Variants in LNX1 observed in about 807,000 individuals in gnomAD.
LNX1 encodes the protein E3 ubiquitin-protein ligase LNX.
In LNX1, 54 loss-of-function variants were observed where a neutral mutation model predicts 68.4. The ratio of observed to expected loss-of-function variants is 0.79; its 90% CI spans 0.63 to 0.99. The LOEUF is 0.99. LNX1 is among the 50% of genes least tolerant of loss of function. The pLI, the probability that LNX1 is intolerant of heterozygous loss-of-function variation, is 0.00. For synonymous variants in LNX1, 336 were observed against 350.0 expected (o/e 0.96, Z 0.45); for missense variants, 906 against 926.4 (o/e 0.98, Z 0.29).
chr4:53,519,832 G>A (rs78561336), intron 2 of LNX1, among the ~76,000 whole-genome samples: 187 of 152,266 alleles, frequency 1.2e-3, no homozygotes, highest in Non-Finnish European at 2.1e-3. Flanking sequence ...ATTCACTTGC[G>A]CAGGTTTGCG....
intron 1 of LNX1, among the ~76,000 whole-genome samples, chr4:53,578,998 T>C (rs1216270226): frequency 2.0e-5 from 3 of 152,006 alleles, no homozygotes; most frequent in Admixed American, 6.6e-5. Flanking sequence ...TATCACGTTT[T>C]CAGACATATC....
chr4:53,535,921 G>A (rs984126694), intron 2 of LNX1, among the ~76,000 whole-genome samples: 5 of 152,114 alleles, frequency 3.3e-5, no homozygotes, highest in South Asian at 2.1e-4. Context: ...CCATTTTACC[G>A]ATGGGGAAGC....
rs768268551 is a variant in LNX1, at chr4:53,496,181, C to A, written c.1192G>T (p.Val398Leu). The A allele has an allele frequency of 1.2e-6, 2 of 1,614,140 alleles. No individual in the cohort carries two copies. The highest frequency in any genetic ancestry group is 1.7e-5 in the Admixed American group (1 of 59,998). Residue 398 changes from valine to leucine, a missense_variant, in exon 6 of 11, where the codon GTG becomes TTG. By Grantham distance (32) the Val-to-Leu change is conservative (BLOSUM62 1). Coordinates refer to ENST00000263925, the MANE Select transcript of LNX1 (RefSeq NM_001126328.3). Reference protein sequence around the residue: ...SPEEQLGIKLVRKVDEPGVFI... With the variant: ...SPEEQLGIKLLRKVDEPGVFI... ...ACCCCAGGCTCATCCACCTTGCGCA[C>A]CAGTTTTATTCCAAGCTGCTCCTCG...
intron 1 of LNX1, among the ~76,000 whole-genome samples, chr4:53,651,524 T>C (rs1735098632): frequency 6.6e-6 from 1 of 152,222 alleles, no homozygotes; most frequent in African/African-American, 2.4e-5. Context: ...ATTTCTAAAA[T>C]TCCATCCTCT....
Position 53,481,754 on chromosome 4 carries a change from G to A in LNX1, c.1451C>T (p.Ser484Phe). Residue 484 changes from serine to phenylalanine, a missense_variant, in exon 7 of 11, where the codon TCC becomes TTC. Physicochemically the swap from Ser to Phe is radical, Grantham distance 155. Transcript: ENST00000263925. ...EAGWNSNGSWSPGPGERSNTP... is the reference protein window; with the variant it reads ...EAGWNSNGSWFPGPGERSNTP... The stretch of plus-strand genomic sequence containing the variant: ...GTTGCTCCTCTCCCCTGGCCCTGGG[G>A]ACCAGCTGCCATTGCTGTTCCAGCC... 1.2e-6 allele frequency: 2 copies of A among 1,613,850 alleles called. No homozygotes were observed. The highest frequency in any genetic ancestry group is 8.5e-7 in the Non-Finnish European group (1 of 1,179,840).
At chr4:53,599,679 T>C (rs1194386450) in intron 2 of LNX1, among the ~76,000 whole-genome samples, 1 of 152,170 alleles carries the variant, frequency 6.6e-6, no homozygotes, top group Non-Finnish European at 1.5e-5. Flanking sequence ...GCCCATGATT[T>C]TCCCAGGTCC....
intron 1 of LNX1, among the ~76,000 whole-genome samples, chr4:53,644,776 A>T (rs1734821130): frequency 6.6e-6 from 1 of 152,168 alleles, no homozygotes; most frequent in Admixed American, 6.5e-5. Flanking sequence ...GGGAGCTCAG[A>T]GTATATCTGG....
intron 1 of LNX1, among the ~76,000 whole-genome samples, chr4:53,643,915 G>A (rs1480834974): frequency 6.6e-6 from 1 of 152,188 alleles, no homozygotes; most frequent in Non-Finnish European, 1.5e-5. Context: ...AATGGAGCAT[G>A]ACCTGACACA....
chr4:53,640,588 G>A (rs1227670491), intron 1 of LNX1, among the ~76,000 whole-genome samples: 2 of 152,166 alleles, frequency 1.3e-5, no homozygotes, highest in African/African-American at 2.4e-5. Context: ...TGTGATATTA[G>A]CAATAAAGAG....
At chr4:53,629,404 C>G (rs1734188728) in intron 1 of LNX1, among the ~76,000 whole-genome samples, 1 of 152,128 alleles carries the variant, frequency 6.6e-6, no homozygotes, top group South Asian at 2.1e-4. Context: ...ACTTGCAGTG[C>G]TAAGAGCTCA....
Position 53,496,041 on chromosome 4 carries a change from A to G in LNX1, c.1332T>C (p.Ser444=). 1 of 1,613,294 alleles carries G rather than the reference A, an allele frequency of 6.2e-7. No individual in the cohort carries two copies. Among genetic ancestry groups the G allele is most frequent in the Non-Finnish European group, 8.5e-7 (1 of 1,179,360 alleles). ...GACTCACCTGAATCAGATGAGCCGC[A>G]CTTTCTGGGCTGCCATATCGAAGAT... is the stretch of plus-strand genomic sequence containing the variant. ...GHDLRYGSPE[S]AAHLIQASER... Residue 444 remains serine, a synonymous_variant, in exon 6 of 11, where the codon AGT becomes AGC. Transcript: ENST00000263925.
intron 2 of LNX1, among the ~76,000 whole-genome samples, chr4:53,562,318 T>C (rs371979692): frequency 2.0e-4 from 30 of 152,260 alleles, no homozygotes; most frequent in African/African-American, 6.5e-4. Context: ...ACTCAATAAG[T>C]CCATCACCAC....
At chr4:53,585,450 T>C (rs539698757) in intron 1 of LNX1, among the ~76,000 whole-genome samples, 3 of 152,148 alleles carry the variant, frequency 2.0e-5, no homozygotes, top group Non-Finnish European at 2.9e-5. Flanking sequence ...AGAATGAGGG[T>C]CCCTGCAAAA....
intron 2 of LNX1, among the ~76,000 whole-genome samples, chr4:53,520,020 A>T (rs1727093876): frequency 6.6e-6 from 1 of 152,212 alleles, no homozygotes; most frequent in Non-Finnish European, 1.5e-5. Context: ...CATAACCATG[A>T]CATACACTGC....
chr4:53,572,599 A>C (rs907511), intron 2 of LNX1, among the ~76,000 whole-genome samples: 113,689 of 152,146 alleles, frequency 0.75, 42,573 homozygotes, highest in East Asian at 0.8. Context: ...AGGATAAACA[A>C]CATCTTCCAA....
intron 2 of LNX1, among the ~76,000 whole-genome samples, chr4:53,561,671 A>G (rs1310397197): frequency 6.6e-6 from 1 of 152,212 alleles, no homozygotes; most frequent in African/African-American, 2.4e-5. Flanking sequence ...AGGACACTGG[A>G]TGCAAAGTTA....
chr4:53,627,750 G>C (rs1734131588), intron 1 of LNX1, among the ~76,000 whole-genome samples: 1 of 152,224 alleles, frequency 6.6e-6, no homozygotes, highest in Non-Finnish European at 1.5e-5. Flanking sequence ...ACAGCACATT[G>C]AATCAGCACC....
intron 1 of LNX1, among the ~76,000 whole-genome samples, chr4:53,627,951 A>T (rs916534024): frequency 6.6e-6 from 1 of 152,216 alleles, no homozygotes; most frequent in Non-Finnish European, 1.5e-5. Context: ...TTCTGACTTC[A>T]CAAGTCTCTG....
intron 2 of LNX1, among the ~76,000 whole-genome samples, chr4:53,616,321 G>A (rs1733676813): frequency 6.6e-6 from 1 of 152,146 alleles, no homozygotes; most frequent in Admixed American, 6.5e-5. Context: ...GCTCATAGGA[G>A]ACAAAAGTGC....
Sources: allele counts gnomAD v4.1 joint callset (sites outside exome capture counted in the v4.1 genomes callset), GRCh38; gene constraint gnomAD v4.1.1; transcripts MANE v1.5; gene names NCBI Gene and HGNC (gene_info 2026-07-23, HGNC 2026-07-21).